The following TRRAP variants were observed in gnomAD, a reference collection of about 807,000 sequenced individuals.
The protein encoded by TRRAP is transformation/transcription domain-associated protein.
In TRRAP, 41 loss-of-function variants were observed where a neutral mutation model predicts 438.8. That is an observed-to-expected ratio of 0.09 (90% CI 0.07 to 0.12). TRRAP has a LOEUF of 0.12. Ranked by LOEUF, TRRAP falls within the 10% of genes least tolerant of loss-of-function variation. The pLI is 1.00. For synonymous variants in TRRAP, 1,994 were observed against 1,962.9 expected, an observed-to-expected ratio of 1.02 and a Z score of -0.42; for missense variants, 3,122 against 5,055.1, an observed-to-expected ratio of 0.62 and a Z score of 11.60.
chr7:98,941,099 T>C (rs1423274894), intron 30 of TRRAP, among the ~76,000 whole-genome samples: 1 of 152,218 alleles, frequency 6.6e-6, no homozygotes, highest in African/African-American at 2.4e-5. Context: ...CCAACTTCAT[T>C]CTTTTGCATA....
rs81817 is a variant in TRRAP at position 99,005,662 on chromosome 7, G to A, written c.10753+314G>A. Among the ~76,000 whole-genome samples, 44,523 of 152,024 alleles carry A rather than the reference G, an allele frequency of 0.29. 10,777 individuals carry two copies. Among genetic ancestry groups the A allele is most frequent in the African/African-American group, 0.67 (27,818 of 41,452 alleles). On this transcript the variant is annotated intron_variant, in intron 69 of 72. Coordinates refer to ENST00000456197, the MANE Select transcript of TRRAP (RefSeq NM_001375524.1). The surrounding 1 kb of genome is among the most constrained non-coding windows in gnomAD (Gnocchi z 5.1). ...GACACAAATTCGTCAACTTTCTTAG[G>A]ACATTATGAGATTTCTTTTTCTTTT...
intron 12 of TRRAP, among the ~76,000 whole-genome samples, chr7:98,904,714 G>A (rs1391032244): frequency 1.3e-5 from 2 of 152,094 alleles, no homozygotes; most frequent in African/African-American, 4.8e-5. Flanking sequence ...CCGTTTACTA[G>A]TTGGCTTGAT....
chr7:99,013,149 G>C lies in TRRAP; in HGVS notation c.*794G>C, dbSNP rs954768881. On this transcript the variant is annotated 3_prime_UTR_variant, in exon 73 of 73. Transcript: ENST00000456197. The stretch of plus-strand genomic sequence containing the variant: ...TTCCTTCGCTAGCTTTAGTCTTTCT[G>C]TTCCCATTTTTATAAATCTGAGCAT... 1 of 151,976 alleles carries C rather than the reference G, an allele frequency of 6.6e-6. No individual in the cohort carries two copies. Among genetic ancestry groups the C allele is most frequent in the Non-Finnish European group, 1.5e-5 (1 of 67,998 alleles). The allele number at this position is 151,976 out of a possible 1,614,324, so 9.4% of individuals were successfully genotyped here. A position where few individuals can be genotyped will look rare whatever the true frequency, so the allele number is the denominator to read the frequency against.
intron 26 of TRRAP, among the ~76,000 whole-genome samples, chr7:98,932,360 G>T (rs1198753010): frequency 6.6e-6 from 1 of 152,140 alleles, no homozygotes; most frequent in Non-Finnish European, 1.5e-5. Flanking sequence ...TGATCCGCCT[G>T]CTTTGGCCTC....
chr7:98,921,567 G>T (rs577899386), intron 20 of TRRAP, among the ~76,000 whole-genome samples, 186 bp from the exon 21 acceptor site: 1 of 152,118 alleles, frequency 6.6e-6, no homozygotes, highest in African/African-American at 2.4e-5. Context: ...GTAGAGGTGG[G>T]GTTTTGCCCT....
chr7:98,946,913 C>G (rs1791107816), intron 33 of TRRAP, among the ~76,000 whole-genome samples: 1 of 152,242 alleles, frequency 6.6e-6, no homozygotes, highest in Non-Finnish European at 1.5e-5. Context: ...CTTACTCTTC[C>G]TAAGTCTTGC....
chr7:98,931,748 C>T lies in TRRAP; in HGVS notation c.3852+83C>T, dbSNP rs1458866589. 1.3e-5 allele frequency: 20 copies of T among 1,540,726 alleles called. No individual in the cohort carries two copies. In the East Asian group the frequency reaches 1.8e-4, roughly 14 times the overall value. On this transcript the variant is annotated intron_variant, in intron 26 of 72. Transcript: ENST00000456197. ...TTAAATTTGAGTTGAGGTGATACTC[C>T]GTTTATAATTTTGTGTCTTGGTATC... is the stretch of plus-strand genomic sequence containing the variant.
chr7:98,969,098 A>G (rs1421908534), intron 51 of TRRAP, among the ~76,000 whole-genome samples: 1 of 152,214 alleles, frequency 6.6e-6, no homozygotes, highest in Admixed American at 6.5e-5. Context: ...CATTAGGACG[A>G]TGGAACCATT....
At chr7:98,964,584 G>T in intron 47 of TRRAP, 45 bp from the exon 48 acceptor site, 1 of 1,593,110 alleles carries the variant, frequency 6.3e-7, no homozygotes, top group Admixed American at 1.8e-5. Context: ...TGTTTTTCGT[G>T]GTTGTTACTT....
chr7:98,906,906 A>G (rs1015003841), intron 13 of TRRAP, among the ~76,000 whole-genome samples: 5 of 151,726 alleles, frequency 3.3e-5, no homozygotes, highest in African/African-American at 9.7e-5. Context: ...ATTTTTTTTT[A>G]TAACCTACCA....
chr7:99,005,093 G>T lies in TRRAP; in HGVS notation c.10536-38G>T. On this transcript the variant is annotated intron_variant, in intron 68 of 72. Coordinates refer to ENST00000456197, the MANE Select transcript of TRRAP (RefSeq NM_001375524.1). The surrounding 1 kb of genome is among the most constrained non-coding windows in gnomAD (Gnocchi z 5.1). ...TCTCAAGACAAGGACTGGTAGCAGA[G>T]ATGCAGGGCATGTCCTCATGGCTTC... 6.3e-7 allele frequency: 1 copy of T among 1,599,496 alleles called. No individual in the cohort carries two copies. The highest frequency in any genetic ancestry group is 1.1e-5 in the South Asian group (1 of 90,736).
rs1791610147 is a variant in TRRAP at position 98,956,356 on chromosome 7, C to A, written c.6097-43C>A. Reference sequence around the variant, plus strand: ...CCGATCGTCTTCCTTTGACTTCTCCCTAGAAATCAGTCAGTAAAACCAAGC... The same window carrying A: ...CCGATCGTCTTCCTTTGACTTCTCCATAGAAATCAGTCAGTAAAACCAAGC... On this transcript the variant is annotated intron_variant, in intron 42 of 72. Transcript: ENST00000456197. This position sits in a 1 kb window ranked among gnomAD's most constrained non-coding sequence, Gnocchi z 4.5. 6 of 1,613,050 alleles carry A rather than the reference C, an allele frequency of 3.7e-6. No homozygotes were observed. The highest frequency in any genetic ancestry group is 1.6e-4 in the Middle Eastern group (1 of 6,082).
At chr7:98,926,895 T>TG (rs1658543015) in intron 22 of TRRAP, among the ~76,000 whole-genome samples, 2 of 151,910 alleles carry the variant, frequency 1.3e-5, no homozygotes, top group Non-Finnish European at 2.9e-5. Flanking sequence ...GGTGGGCACC[T>TG]GTAATCCCAG....
At chr7:98,938,268 G>A (rs1554414744) in intron 30 of TRRAP, among the ~76,000 whole-genome samples, 2 of 152,186 alleles carry the variant, frequency 1.3e-5, no homozygotes, top group Admixed American at 1.3e-4. Context: ...GAGCATGGGA[G>A]GCAAAGGTTG....
At chr7:98,963,037 A>G (rs1045312340) in intron 47 of TRRAP, among the ~76,000 whole-genome samples, 15 of 152,210 alleles carry the variant, frequency 9.9e-5, no homozygotes, top group Non-Finnish European at 1.9e-4. Context: ...CTTTGAAAAT[A>G]CAAATGAAGG....
intron 52 of TRRAP, among the ~76,000 whole-genome samples, chr7:98,970,762 C>T (rs1792380929): frequency 6.6e-6 from 1 of 152,146 alleles, no homozygotes; most frequent in South Asian, 2.1e-4. Context: ...GAAAGCGCTG[C>T]CTGGGGGAAT....
At position 98,906,084 on chromosome 7, in the gene TRRAP, TG is replaced by T. The variant is rs3214239; in HGVS notation, c.1037-91del. On this transcript the variant is annotated intron_variant, in intron 12 of 72. Coordinates refer to ENST00000456197, the MANE Select transcript of TRRAP (RefSeq NM_001375524.1). ...TTCAGGTCTGGATTGCATATCAGAC[TG>T]GCGGGCTGGCTACTTCGAAAGCACT... 0.91 allele frequency: 1,005,941 copies of T among 1,102,742 alleles called. 459,931 individuals carry two copies. The highest frequency in any genetic ancestry group is 0.94 in the South Asian group (66,558 of 70,836). The allele number at this position is 1,102,742 out of a possible 1,614,324, so 68.3% of individuals were successfully genotyped here.
chr7:98,934,302 G>C (rs1790457723), intron 27 of TRRAP, among the ~76,000 whole-genome samples: 1 of 152,178 alleles, frequency 6.6e-6, no homozygotes, highest in Admixed American at 6.5e-5. Context: ...GGTCCATACT[G>C]TCTGAATTTC....
chr7:98,988,191 C>T (rs1452459153), intron 62 of TRRAP, among the ~76,000 whole-genome samples: 5 of 152,070 alleles, frequency 3.3e-5, no homozygotes, highest in Admixed American at 6.6e-5. Context: ...AATAGTGAAG[C>T]GGTATAACTG....
Sources: allele counts gnomAD v4.1 joint callset (sites outside exome capture counted in the v4.1 genomes callset), GRCh38; gene constraint gnomAD v4.1.1; non-coding constraint Gnocchi (gnomAD v3.1); transcripts MANE v1.5; gene names NCBI Gene and HGNC (gene_info 2026-07-23, HGNC 2026-07-21).